The following GLYR1 variants were observed in gnomAD, a reference collection of about 807,000 sequenced individuals.
GLYR1 encodes cytokine-like nuclear factor N-PAC.
Under a neutral mutation model 72.7 loss-of-function variants are expected in GLYR1, and 21 were observed. The observed-to-expected ratio is 0.29, with a 90% CI of 0.20 to 0.42. The LOEUF is 0.42. Among genes scored for constraint, GLYR1 ranks in the 10% least tolerant of loss-of-function variants. The probability of loss-of-function intolerance (pLI) is 1.00; values close to 1 mark genes in which losing one functional copy is unlikely to be tolerated. For synonymous variants in GLYR1, 392 were observed against 270.2 expected, an observed-to-expected ratio of 1.45 and a Z score of -4.42; for missense variants, 594 against 712.1, an observed-to-expected ratio of 0.83 and a Z score of 1.89.
intron 5 of GLYR1, among the ~76,000 whole-genome samples, chr16:4,830,088 G>C (rs1319153319): frequency 6.6e-6 from 1 of 152,028 alleles, no homozygotes; most frequent in Non-Finnish European, 1.5e-5. Context: ...ACAGGTGTGA[G>C]CTACCATGCC....
At chr16:4,823,999 A>C in intron 5 of GLYR1, 92 bp from the exon 6 acceptor site, 3 of 971,260 alleles carry the variant, frequency 3.1e-6, no homozygotes, top group Non-Finnish European at 4.9e-6. Context: ...AGTTCAAGCC[A>C]ATCCCCAACC....
intron 10 of GLYR1, among the ~76,000 whole-genome samples, chr16:4,815,636 A>G (rs549049037): frequency 3.7e-4 from 56 of 152,324 alleles, no homozygotes; most frequent in Non-Finnish European, 7.5e-4. Context: ...TGACTTCCCA[A>G]TGAGACTATG....
chr16:4,824,054 C>T (rs2141993664), intron 5 of GLYR1, 147 bp from the exon 6 acceptor site: 1 of 597,472 alleles, frequency 1.7e-6, no homozygotes, highest in Non-Finnish European at 3.0e-6. Context: ...CCAGTTCTTC[C>T]CATTAACACA....
At chr16:4,828,676 G>A (rs746485227) in intron 5 of GLYR1, among the ~76,000 whole-genome samples, 1 of 152,026 alleles carries the variant, frequency 6.6e-6, no homozygotes, top group African/African-American at 2.4e-5. Flanking sequence ...CTGATCAAAT[G>A]CCTTGTACAC....
chr16:4,824,940 C>G (rs1363530245), intron 5 of GLYR1, among the ~76,000 whole-genome samples: 1 of 152,174 alleles, frequency 6.6e-6, no homozygotes, highest in Non-Finnish European at 1.5e-5. Context: ...AGGCCGATAT[C>G]TTTAGAGCCC....
intron 15 of GLYR1, among the ~76,000 whole-genome samples, chr16:4,809,563 G>A (rs1441424725): frequency 6.8e-6 from 1 of 147,126 alleles, no homozygotes; most frequent in Non-Finnish European, 1.5e-5. Flanking sequence ...AGTGAGCCGA[G>A]ATCGTGCCAC....
intron 7 of GLYR1, 37 bp downstream of exon 7, chr16:4,822,838 C>G: frequency 1.3e-6 from 2 of 1,576,360 alleles, no homozygotes; most frequent in Non-Finnish European, 1.7e-6. Context: ...CTTGGCCAGC[C>G]CCTGACCAAG....
chr16:4,832,368 A>C, intron 4 of GLYR1, 147 bp from the exon 5 acceptor site: 1 of 949,560 alleles, frequency 1.1e-6, no homozygotes, highest in Non-Finnish European at 1.6e-6. Flanking sequence ...GTCGTCCCAG[A>C]CATTGGGAGA....
Position 4,804,292 on chromosome 16 carries a change from GAGTGGCTCT to G in GLYR1, c.*935_*943del, listed in dbSNP as rs200482180. On this transcript the variant is annotated 3_prime_UTR_variant, in exon 16 of 16. Transcript: ENST00000321919. Reference sequence around the variant, plus strand: ...GACCACTGGGAGGGGACCGAGGTAAGAGTGGCTCTTCAGAGCCAGGTGAAGAGTCTGTGG... The same window carrying G: ...GACCACTGGGAGGGGACCGAGGTAAGTCAGAGCCAGGTGAAGAGTCTGTGG... The G allele has an allele frequency of 0.021, 3,276 of 152,956 alleles. 63 individuals carry two copies. The highest frequency in any genetic ancestry group is 0.042 in the South Asian group (205 of 4,842). 9.5% of individuals were successfully genotyped at this position (152,956 alleles called of 1,614,324 possible).
chr16:4,828,456 C>A (rs780603179), intron 5 of GLYR1, among the ~76,000 whole-genome samples: 13 of 152,060 alleles, frequency 8.5e-5, no homozygotes, highest in Admixed American at 2.6e-4. Flanking sequence ...CAATGGGAAA[C>A]CAAGACGTTT....
chr16:4,832,161 T>C lies in GLYR1; in HGVS notation c.355A>G (p.Arg119Gly). 1 of 1,614,196 alleles carries C rather than the reference T, an allele frequency of 6.2e-7. No homozygotes were observed. Among genetic ancestry groups the C allele is most frequent in the Non-Finnish European group, 8.5e-7 (1 of 1,180,022 alleles). Residue 119 changes from arginine (R) to glycine (G), a missense_variant, in exon 5 of 16, where the codon AGG becomes GGG. By Grantham distance (125) the Arg-to-Gly change is moderately radical. Around this residue, in one of 5 missense-constraint regions of GLYR1, gnomAD observed 252 missense variants for 211.3 expected, o/e 1.19. Transcript: ENST00000321919. ...NRRNSSEERS[R>G]PNSGDEKRKL... ...CGCTTCTCATCACCTGAGTTTGGCC[T>C]ACTTCTCTCCTCACTGGAATTACGT...
At chr16:4,844,119 A>C (rs529280753) in intron 3 of GLYR1, among the ~76,000 whole-genome samples, 41 of 151,800 alleles carry the variant, frequency 2.7e-4, no homozygotes, top group Non-Finnish European at 5.4e-4. Flanking sequence ...ATCTCAAAAA[A>C]AAAAAAAAAA....
chr16:4,822,814 G>T lies in GLYR1; in HGVS notation c.681+61C>A, dbSNP rs2084124267. The T allele has an allele frequency of 4.3e-6, 6 of 1,395,716 alleles. No homozygotes were observed. In the South Asian group the frequency reaches 5.8e-5, roughly 13 times the overall value. 86.5% of individuals were successfully genotyped at this position (1,395,716 alleles called of 1,614,324 possible). On this transcript the variant is annotated intron_variant, in intron 7 of 15. Coordinates refer to ENST00000321919, the MANE Select transcript of GLYR1 (RefSeq NM_032569.4). ...TTTCAGATGGCCAGGCCAGGACCCA[G>T]TGGAGGAGCACTCCTTGGCCAGCCC...
intron 3 of GLYR1, among the ~76,000 whole-genome samples, chr16:4,834,840 G>T (rs770126931): frequency 6.6e-6 from 1 of 152,166 alleles, no homozygotes; most frequent in Non-Finnish European, 1.5e-5. Context: ...GGGAGGAAAA[G>T]TGGAAGGAGA....
Position 4,814,618 on chromosome 16 carries a change from A to G in GLYR1, c.936T>C (p.Arg312=), listed in dbSNP as rs767695937. 5 of 1,614,032 alleles carry G rather than the reference A, an allele frequency of 3.1e-6. No individual in the cohort carries two copies. The highest frequency in any genetic ancestry group is 1.6e-4 in the Middle Eastern group (1 of 6,066). The change falls in exon 11 of 16, where the codon CGT becomes CGC. Residue 312 remains arginine, a synonymous_variant. Transcript: ENST00000321919. ...KCDLFIQEGA[R]LGRTPAEVVS... The stretch of plus-strand genomic sequence containing the variant: ...CGACTTCAGCGGGGGTTCTTCCCAG[A>G]CGGGCCCCCTCCTGGATGAACAAAT...
intron 5 of GLYR1, among the ~76,000 whole-genome samples, chr16:4,824,507 A>AAAAAAAAAAG (rs2084253342): frequency 1.3e-5 from 2 of 151,436 alleles, no homozygotes; most frequent in African/African-American, 4.9e-5. Flanking sequence ...TCAAAAAAAA[A>AAAAAAAAAAG]AAAAAAAAGA....
intron 10 of GLYR1, among the ~76,000 whole-genome samples, chr16:4,815,295 T>A (rs1255706609): frequency 1.3e-5 from 2 of 151,580 alleles, no homozygotes; most frequent in Non-Finnish European, 2.9e-5. Flanking sequence ...AGAGACAGGG[T>A]TTCACCATGT....
At chr16:4,813,588 A>G (rs1318385444) in intron 12 of GLYR1, 149 bp downstream of exon 12, 5 of 676,002 alleles carry the variant, frequency 7.4e-6, no homozygotes, top group Non-Finnish European at 1.3e-5. Flanking sequence ...AAGGTGGAGC[A>G]CGGGATAGGC....
intron 10 of GLYR1, among the ~76,000 whole-genome samples, chr16:4,815,327 C>G (rs1025123821): frequency 6.6e-6 from 1 of 151,772 alleles, no homozygotes. Flanking sequence ...GATGGGCCTA[C>G]TATTTTCTAT....
Sources: allele counts gnomAD v4.1 joint callset (sites outside exome capture counted in the v4.1 genomes callset), GRCh38; gene constraint gnomAD v4.1.1; regional missense constraint gnomAD v4.1.1; transcripts MANE v1.5; gene names NCBI Gene and HGNC (gene_info 2026-07-23, HGNC 2026-07-21).